The following PIK3C2G variants were observed in gnomAD, a reference collection of about 807,000 sequenced individuals.
PIK3C2G encodes the protein phosphatidylinositol 3-kinase C2 domain-containing subunit gamma.
A neutral mutation model predicts 181.1 loss-of-function variants in PIK3C2G; 168 were observed. The observed-to-expected ratio is 0.93, with a 90% CI of 0.82 to 1.05. The LOEUF (loss-of-function observed/expected upper bound fraction) is 1.05. Ranked by LOEUF, PIK3C2G falls within the 50% of genes least tolerant of loss-of-function variation. The pLI is 0.00. For synonymous variants in PIK3C2G, 573 were observed against 592.2 expected, an observed-to-expected ratio of 0.97 and a Z score of 0.47; for missense variants, 1,869 against 1,732.8, an observed-to-expected ratio of 1.08 and a Z score of -1.40.
intron 5 of PIK3C2G, among the ~76,000 whole-genome samples, chr12:18,312,243 C>G (rs1950669190): frequency 6.6e-6 from 1 of 152,134 alleles, no homozygotes; most frequent in South Asian, 2.1e-4. Flanking sequence ...CACTAGACAT[C>G]AAGTATATTA....
At chr12:18,614,260 T>G (rs983080706) in intron 31 of PIK3C2G, among the ~76,000 whole-genome samples, 2 of 152,106 alleles carry the variant, frequency 1.3e-5, no homozygotes, top group East Asian at 1.9e-4. Context: ...AAGCAAAGGA[T>G]AGTGAAGAGT....
At chr12:18,537,798 T>C (rs1943938279) in intron 24 of PIK3C2G, among the ~76,000 whole-genome samples, 1 of 152,024 alleles carries the variant, frequency 6.6e-6, no homozygotes, top group South Asian at 2.1e-4. Flanking sequence ...CATATCAAAA[T>C]TTAGCAGAAA....
intron 18 of PIK3C2G, among the ~76,000 whole-genome samples, chr12:18,487,096 TTGTGTGTG>T (rs35440588): frequency 1.1e-4 from 16 of 142,106 alleles, no homozygotes; most frequent in South Asian, 4.7e-4. Context: ...TTGAGGTATT[TTGTGTGTG>T]TGTGTGTGTG....
intron 25 of PIK3C2G, among the ~76,000 whole-genome samples, chr12:18,544,254 A>G (rs1330362967): frequency 1.3e-5 from 2 of 151,882 alleles, no homozygotes; most frequent in African/African-American, 4.8e-5. Flanking sequence ...GTAGAAGATG[A>G]GGCTGGAGTG....
intron 21 of PIK3C2G, among the ~76,000 whole-genome samples, chr12:18,496,637 C>A (rs138095973): frequency 2.6e-5 from 4 of 151,912 alleles, no homozygotes; most frequent in African/African-American, 9.7e-5. Context: ...ACTGGAAAAA[C>A]AGAGAAAAGG....
chr12:18,387,585 T>G (rs1006308149), intron 14 of PIK3C2G, among the ~76,000 whole-genome samples: 1 of 152,248 alleles, frequency 6.6e-6, no homozygotes, highest in South Asian at 2.1e-4. Context: ...GATTCATCTT[T>G]TTCCACCCAC....
intron 24 of PIK3C2G, among the ~76,000 whole-genome samples, chr12:18,526,527 T>C (rs1943243965): frequency 6.6e-6 from 1 of 152,212 alleles, no homozygotes; most frequent in Non-Finnish European, 1.5e-5. Flanking sequence ...TTTACTTTCC[T>C]TGACCCAAGA....
At chr12:18,641,743 CTT>C (rs11285609) in intron 32 of PIK3C2G, among the ~76,000 whole-genome samples, 43 of 93,160 alleles carry the variant, frequency 4.6e-4, no homozygotes, top group Admixed American at 8.3e-4. Context: ...CTCTCTCAAG[CTT>C]TTTTTTTTTT....
chr12:18,484,218 G>A (rs899074810), intron 18 of PIK3C2G, among the ~76,000 whole-genome samples: 1 of 152,118 alleles, frequency 6.6e-6, no homozygotes, highest in African/African-American at 2.4e-5. Flanking sequence ...CTTCTACAAA[G>A]GAGAAAACAT....
intron 29 of PIK3C2G, among the ~76,000 whole-genome samples, chr12:18,591,844 G>C (rs886777997): frequency 4.6e-5 from 7 of 151,888 alleles, no homozygotes; most frequent in Non-Finnish European, 1.0e-4. Flanking sequence ...AAGCATTAAG[G>C]CTATAACATA....
intron 11 of PIK3C2G, among the ~76,000 whole-genome samples, chr12:18,352,512 G>A (rs1016572795): frequency 2.6e-5 from 4 of 152,104 alleles, no homozygotes; most frequent in African/African-American, 4.8e-5. Flanking sequence ...GTCTAGGAGG[G>A]GTACTCAAAA....
intron 5 of PIK3C2G, among the ~76,000 whole-genome samples, chr12:18,304,801 C>T (rs1950351965): frequency 6.6e-6 from 1 of 152,146 alleles, no homozygotes; most frequent in Non-Finnish European, 1.5e-5. Flanking sequence ...GAATTGATTA[C>T]TTCCAGCAAA....
intron 9 of PIK3C2G, among the ~76,000 whole-genome samples, chr12:18,339,315 T>C (rs938635298): frequency 2.0e-5 from 3 of 152,286 alleles, no homozygotes; most frequent in African/African-American, 7.2e-5. Context: ...GTTTGACATA[T>C]GCATTACCTC....
chr12:18,445,992 T>G (rs1180411912), intron 18 of PIK3C2G, among the ~76,000 whole-genome samples: 1 of 152,242 alleles, frequency 6.6e-6, no homozygotes, highest in Non-Finnish European at 1.5e-5. Flanking sequence ...TAGTCTCATT[T>G]GCATCTTTCG....
chr12:18,375,550 G>A (rs1198596247), intron 13 of PIK3C2G, among the ~76,000 whole-genome samples: 2 of 152,190 alleles, frequency 1.3e-5, no homozygotes, highest in African/African-American at 4.8e-5. Flanking sequence ...TTTGCTGCCT[G>A]GCCATGTGGC....
chr12:18,553,828 G>A (rs1163265847), intron 26 of PIK3C2G, among the ~76,000 whole-genome samples: 2 of 151,952 alleles, frequency 1.3e-5, no homozygotes, highest in South Asian at 4.1e-4. Flanking sequence ...TCTTTGTATA[G>A]TTTGCTACCT....
intron 29 of PIK3C2G, among the ~76,000 whole-genome samples, chr12:18,580,654 G>A (rs1448953873): frequency 6.6e-6 from 1 of 152,114 alleles, no homozygotes; most frequent in Admixed American, 6.5e-5. Flanking sequence ...TTCTTTAAAA[G>A]TTCACTATTC....
chr12:18,282,679 A>G lies in PIK3C2G; in HGVS notation c.598A>G (p.Ile200Val). 6.2e-7 allele frequency: 1 copy of G among 1,613,536 alleles called. No homozygotes were observed. The highest frequency in any genetic ancestry group is 1.1e-5 in the South Asian group (1 of 91,014). The change falls in exon 2 of 33, where the codon ATT becomes GTT. Residue 200 changes from isoleucine to valine, a missense_variant. By Grantham distance (29) the Ile-to-Val change is conservative. Transcript: ENST00000538779. ...GAATAAAAGGAGTGGACATGTGAAC[A>G]TTGTGGAACCATCTTTGATGCTTTT... ...EENKRSGHVN[I>V]VEPSLMLLKG...
At chr12:18,687,452 CCTA>C in the PIK3C2G span, among the ~76,000 whole-genome samples, 1 of 152,098 alleles carries the variant, frequency 6.6e-6, no homozygotes, top group African/African-American at 2.4e-5. Flanking sequence ...ATCCCAGGAA[CCTA>C]TCCTTTTCTA....
Sources: allele counts gnomAD v4.1 joint callset (sites outside exome capture counted in the v4.1 genomes callset), GRCh38; gene constraint gnomAD v4.1.1; transcripts MANE v1.5; gene names NCBI Gene and HGNC (gene_info 2026-07-23, HGNC 2026-07-21).